KCNK2: variants seen among roughly 807,000 people sequenced by gnomAD.
KCNK2 encodes potassium two pore domain channel subfamily K member 2.
A neutral mutation model predicts 40.5 loss-of-function variants in KCNK2; 21 were observed. The observed-to-expected ratio is 0.52, with a 90% CI of 0.37 to 0.75. KCNK2 has a LOEUF of 0.75. Ranked by LOEUF, KCNK2 falls within the 30% of genes least tolerant of loss-of-function variation. The pLI is 0.00. For missense variants in KCNK2, 399 were observed against 531.6 expected (o/e 0.75, Z 2.45); for synonymous variants, 191 against 202.2 (o/e 0.94, Z 0.47).
chr1:215,095,337 G>A (rs755135913), intron 2 of KCNK2, among the ~76,000 whole-genome samples: 1 of 152,032 alleles, frequency 6.6e-6, no homozygotes, highest in African/African-American at 2.4e-5. Flanking sequence ...ACAGGAATGC[G>A]TGCAACACAT....
At chr1:215,067,159 T>C (rs1025469846) in intron 1 of KCNK2, among the ~76,000 whole-genome samples, 3 of 152,146 alleles carry the variant, frequency 2.0e-5, no homozygotes, top group Admixed American at 6.5e-5. Context: ...CAACTGTTAG[T>C]ACTTTTAAAA....
intron 1 of KCNK2, among the ~76,000 whole-genome samples, chr1:215,042,388 G>T (rs554102752): frequency 6.6e-6 from 1 of 152,284 alleles, no homozygotes; most frequent in South Asian, 2.1e-4. Context: ...GAAAACAAGG[G>T]ATAGGAAAAG....
rs1411977586 is a variant in KCNK2 at position 215,235,530 on chromosome 1, T to TA, written c.*386dup. 3 of 166,926 alleles carry TA rather than the reference T, an allele frequency of 1.8e-5. No homozygotes were observed. Among genetic ancestry groups the TA allele is most frequent in the African/African-American group, 7.1e-5 (3 of 41,982 alleles). The allele number at this position is 166,926 out of a possible 1,614,324, so 10.3% of individuals were successfully genotyped here. On this transcript the variant is annotated 3_prime_UTR_variant, in exon 7 of 7. Transcript: ENST00000444842. ...CAGGGTCTACCTAACTGAGCCTAGA[T>TA]ATGGACCATTTATGGATGACAACAA...
Position 215,007,027 on chromosome 1 carries a change from A to ATGTGTGTGTG in KCNK2, c.34+1073_34+1074insGTGTGTGTGT, listed in dbSNP as rs1398954474. Among the ~76,000 whole-genome samples, 201 of 56,142 alleles carry ATGTGTGTGTG rather than the reference A, an allele frequency of 3.6e-3. 4 individuals are homozygous for ATGTGTGTGTG. The highest frequency in any genetic ancestry group is 8.8e-3 in the African/African-American group (153 of 17,386). 36.8% of individuals were successfully genotyped at this position (56,142 alleles called of 152,430 possible). ...TATATATATATATATATATATATAT[A>ATGTGTGTGTG]TATATATATATGTGTGTGTGTGTAT... On this transcript the variant is annotated intron_variant, in intron 1 of 6. Transcript: ENST00000391895.
chr1:215,094,936 C>A (rs1366137427), intron 2 of KCNK2, among the ~76,000 whole-genome samples: 2 of 151,880 alleles, frequency 1.3e-5, no homozygotes, highest in Non-Finnish European at 2.9e-5. Flanking sequence ...TCGTATATTT[C>A]AAAATATTTT....
At chr1:215,011,795 ACGGGGTTT>A (rs1414402728) in intron 1 of KCNK2, among the ~76,000 whole-genome samples, 3 of 151,066 alleles carry the variant, frequency 2.0e-5, no homozygotes, top group Non-Finnish European at 2.9e-5. Flanking sequence ...TTTAGTAGAG[ACGGGGTTT>A]CACCATGTTG....
At chr1:215,019,804 A>G (rs992294745) in intron 1 of KCNK2, among the ~76,000 whole-genome samples, 2 of 152,164 alleles carry the variant, frequency 1.3e-5, no homozygotes, top group Non-Finnish European at 2.9e-5. Flanking sequence ...TCCGTGAAGA[A>G]ACATTCTAGC....
intron 1 of KCNK2, among the ~76,000 whole-genome samples, chr1:215,073,898 A>T (rs919795806): frequency 1.3e-5 from 2 of 152,120 alleles, no homozygotes; most frequent in Admixed American, 1.3e-4. Flanking sequence ...TGGCCCTGGG[A>T]TGCCTTTAGG....
intron 6 of KCNK2, among the ~76,000 whole-genome samples, chr1:215,204,076 T>C (rs1192233771): frequency 4.9e-5 from 7 of 142,690 alleles, no homozygotes; most frequent in African/African-American, 1.6e-4. Flanking sequence ...AACTAGTTTC[T>C]ACATTAAATG....
chr1:215,010,434 G>C (rs898582204), intron 1 of KCNK2, among the ~76,000 whole-genome samples: 2 of 152,170 alleles, frequency 1.3e-5, no homozygotes, highest in Non-Finnish European at 2.9e-5. Flanking sequence ...GATGCATTTT[G>C]AATTTCACTG....
At chr1:215,147,271 C>T (rs758271442) in intron 3 of KCNK2, among the ~76,000 whole-genome samples, 2 of 152,054 alleles carry the variant, frequency 1.3e-5, no homozygotes, top group African/African-American at 2.4e-5. Context: ...GCACATGTAC[C>T]ATCCTCCCTT....
intron 3 of KCNK2, among the ~76,000 whole-genome samples, chr1:215,164,409 A>C (rs1382753630): frequency 6.6e-6 from 1 of 151,794 alleles, no homozygotes; most frequent in Non-Finnish European, 1.5e-5. Context: ...TTGTGTCTCT[A>C]TCTCCCTCAG....
At chr1:215,044,715 A>G (rs902944420) in intron 1 of KCNK2, among the ~76,000 whole-genome samples, 2 of 152,158 alleles carry the variant, frequency 1.3e-5, no homozygotes, top group Non-Finnish European at 2.9e-5. Flanking sequence ...TTTTATGGGA[A>G]CATATAAAAG....
chr1:215,048,696 T>C (rs527770491), intron 1 of KCNK2, among the ~76,000 whole-genome samples: 120 of 152,266 alleles, frequency 7.9e-4, no homozygotes, highest in Non-Finnish European at 1.5e-3. Flanking sequence ...TGCCTTACCA[T>C]TGAGTGCTCA....
At chr1:215,056,499 CAAAA>C (rs376076606) in intron 1 of KCNK2, among the ~76,000 whole-genome samples, 1 of 55,174 alleles carries the variant, frequency 1.8e-5, no homozygotes, top group Middle Eastern at 0.012. Flanking sequence ...GACTCAGTCT[CAAAA>C]AAAAAAAAAA....
At chr1:215,082,683 G>A (rs939576590), upstream of KCNK2, among the ~76,000 whole-genome samples, 4 of 151,928 alleles carry the variant, frequency 2.6e-5, no homozygotes. Context: ...AGCAAGCCCT[G>A]GCGGTGAGAC....
At chr1:215,064,513 G>A (rs1558074634) in intron 1 of KCNK2, among the ~76,000 whole-genome samples, 2 of 152,156 alleles carry the variant, frequency 1.3e-5, no homozygotes, top group South Asian at 2.1e-4. Flanking sequence ...GATTTTGCAC[G>A]AGGCACCATT....
At chr1:215,070,146 C>T (rs1658695988) in intron 1 of KCNK2, among the ~76,000 whole-genome samples, 1 of 151,960 alleles carries the variant, frequency 6.6e-6, no homozygotes, top group Admixed American at 6.6e-5. Flanking sequence ...CACGGTGGCT[C>T]ATGCCTGTAA....
At chr1:215,231,873 C>A (rs551109593) in intron 6 of KCNK2, among the ~76,000 whole-genome samples, 1 of 152,190 alleles carries the variant, frequency 6.6e-6, no homozygotes, top group Admixed American at 6.5e-5. Context: ...GGCAAGAGAG[C>A]AAATGCAGGG....
Sources: allele counts gnomAD v4.1 joint callset (sites outside exome capture counted in the v4.1 genomes callset), GRCh38; gene constraint gnomAD v4.1.1; transcripts MANE v1.5; gene names NCBI Gene and HGNC (gene_info 2026-07-23, HGNC 2026-07-21).